The following KCTD8 variants were observed in gnomAD, a reference collection of about 807,000 sequenced individuals.
KCTD8 encodes potassium channel tetramerization domain containing 8.
KCTD8 carries 27 observed loss-of-function variants against 31.5 expected under a neutral mutation model. The ratio of observed to expected loss-of-function variants is 0.86; its 90% CI spans 0.63 to 1.18. The LOEUF is 1.18. Among genes scored for constraint, KCTD8 ranks in the 50% most tolerant of loss-of-function variants. KCTD8 has a pLI of 0.00. For synonymous variants in KCTD8, 290 were observed against 280.0 expected (o/e 1.04, Z -0.36); for missense variants, 658 against 647.7 (o/e 1.02, Z -0.17).
intron 1 of KCTD8, among the ~76,000 whole-genome samples, chr4:44,259,556 A>G (rs2109364969): frequency 6.6e-6 from 1 of 152,046 alleles, no homozygotes; most frequent in African/African-American, 2.4e-5. Context: ...TATTCTCAAA[A>G]TCTCTCAAGG....
At chr4:44,290,478 G>A (rs1483826124) in intron 1 of KCTD8, among the ~76,000 whole-genome samples, 1 of 152,014 alleles carries the variant, frequency 6.6e-6, no homozygotes, top group Non-Finnish European at 1.5e-5. Context: ...GATGTCTACA[G>A]AATGCACCAC....
chr4:44,247,857 CG>C (rs1418714047), intron 1 of KCTD8, among the ~76,000 whole-genome samples: 1 of 151,798 alleles, frequency 6.6e-6, no homozygotes, highest in Admixed American at 6.6e-5. Flanking sequence ...ATCCATTCAT[CG>C]ATCAACGGAT....
chr4:44,182,899 A>C (rs1455151326), intron 1 of KCTD8, among the ~76,000 whole-genome samples: 1 of 152,240 alleles, frequency 6.6e-6, no homozygotes, highest in Non-Finnish European at 1.5e-5. Context: ...AGCTTTAGCT[A>C]GGATTAAATT....
chr4:44,244,010 A>G (rs1436088449), intron 1 of KCTD8, among the ~76,000 whole-genome samples: 1 of 152,152 alleles, frequency 6.6e-6, no homozygotes, highest in Non-Finnish European at 1.5e-5. Context: ...CCCCTCACCC[A>G]CATCCTGACT....
intron 1 of KCTD8, among the ~76,000 whole-genome samples, chr4:44,401,367 G>A (rs920648026): frequency 7.9e-5 from 12 of 152,020 alleles, no homozygotes; most frequent in Non-Finnish European, 1.6e-4. Flanking sequence ...TCCCTGATGC[G>A]CATCTTCTTA....
chr4:44,364,939 G>T (rs987394441), intron 1 of KCTD8, among the ~76,000 whole-genome samples: 1 of 151,830 alleles, frequency 6.6e-6, no homozygotes, highest in African/African-American at 2.4e-5. Context: ...AACAAGAGGA[G>T]CACAGGATAT....
At chr4:44,285,489 G>A (rs11947176) in intron 1 of KCTD8, among the ~76,000 whole-genome samples, 4,602 of 152,096 alleles carry the variant, frequency 0.03, 252 homozygotes, top group African/African-American at 0.11. Context: ...GGGTGTAGGG[G>A]AGGGATAACA....
chr4:44,301,737 C>A (rs1349832795), intron 1 of KCTD8, among the ~76,000 whole-genome samples: 2 of 152,136 alleles, frequency 1.3e-5, no homozygotes, highest in Admixed American at 6.5e-5. Context: ...TCCCATTTGT[C>A]AATTTTGGCT....
Position 44,318,989 on chromosome 4 carries a change from GA to G in KCTD8, c.961+128573del, listed in dbSNP as rs546386104. Among the ~76,000 whole-genome samples the G allele has an allele frequency of 5.9e-5, 9 of 152,260 alleles. No individual in the cohort carries two copies. The South Asian group carries it at 1.7e-3, about 28-fold the overall frequency. ...ACTTTAGGTAAGATGGCAGGAAGGA[GA>G]AAAGGCAAAAAATGAAGGATGCGGA... On this transcript the variant is annotated intron_variant, in intron 1 of 1. Transcript: ENST00000360029.
At chr4:44,289,156 A>T (rs1239918467) in intron 1 of KCTD8, among the ~76,000 whole-genome samples, 1 of 151,686 alleles carries the variant, frequency 6.6e-6, no homozygotes, top group East Asian at 1.9e-4. Flanking sequence ...TAAACTATCA[A>T]GTGTTTCATA....
At chr4:44,310,487 T>C (rs1296221576) in intron 1 of KCTD8, among the ~76,000 whole-genome samples, 2 of 152,162 alleles carry the variant, frequency 1.3e-5, no homozygotes, top group African/African-American at 2.4e-5. Flanking sequence ...TGTCTCCTGA[T>C]ATGGCCTAAA....
chr4:44,290,358 A>G (rs372083595), intron 1 of KCTD8, among the ~76,000 whole-genome samples: 2 of 152,172 alleles, frequency 1.3e-5, no homozygotes, highest in African/African-American at 4.8e-5. Flanking sequence ...TAGCCACACA[A>G]TAATAGTAGG....
intron 1 of KCTD8, among the ~76,000 whole-genome samples, chr4:44,372,208 A>T (rs951823848): frequency 6.6e-6 from 1 of 152,228 alleles, no homozygotes; most frequent in Non-Finnish European, 1.5e-5. Flanking sequence ...ATTCCAGAAA[A>T]AAACAAACAG....
intron 1 of KCTD8, among the ~76,000 whole-genome samples, chr4:44,428,442 C>A (rs1390659110): frequency 1.3e-5 from 2 of 151,652 alleles, no homozygotes; most frequent in Admixed American, 1.3e-4. Flanking sequence ...AATTAAGACT[C>A]TGATCAAGTC....
At chr4:44,408,043 T>C (rs1027717351) in intron 1 of KCTD8, among the ~76,000 whole-genome samples, 1 of 152,176 alleles carries the variant, frequency 6.6e-6, no homozygotes, top group East Asian at 1.9e-4. Flanking sequence ...AAAAAGAATA[T>C]AGTAGATTGG....
At chr4:44,272,121 T>TTATATATATATATATATA (rs34459205) in intron 1 of KCTD8, among the ~76,000 whole-genome samples, 136 of 142,490 alleles carry the variant, frequency 9.5e-4, no homozygotes, top group African/African-American at 3.3e-3. Flanking sequence ...TGGTATTATA[T>TTATATATATATATATATA]TATATATATA....
chr4:44,213,821 C>T (rs1226585869), intron 1 of KCTD8, among the ~76,000 whole-genome samples: 1 of 152,046 alleles, frequency 6.6e-6, no homozygotes, highest in Non-Finnish European at 1.5e-5. Flanking sequence ...GTGAATATGC[C>T]TCCTTAAAGT....
At chr4:44,180,300 A>T (rs1307219012) in intron 1 of KCTD8, among the ~76,000 whole-genome samples, 1 of 152,190 alleles carries the variant, frequency 6.6e-6, no homozygotes, top group Non-Finnish European at 1.5e-5. Context: ...ATTAGTGAAT[A>T]AGCAAGTCTC....
chr4:44,363,739 CAGAT>C (rs2109431864), intron 1 of KCTD8, among the ~76,000 whole-genome samples: 1 of 152,186 alleles, frequency 6.6e-6, no homozygotes, highest in African/African-American at 2.4e-5. Flanking sequence ...GTAGACTACT[CAGAT>C]AGCTAAACAT....
Sources: allele counts gnomAD v4.1 joint callset (sites outside exome capture counted in the v4.1 genomes callset), GRCh38; gene constraint gnomAD v4.1.1; transcripts MANE v1.5; gene names NCBI Gene and HGNC (gene_info 2026-07-23, HGNC 2026-07-21).